PPRC1: variants seen among roughly 807,000 people sequenced by gnomAD.
PPRC1 encodes the protein PPARG related coactivator 1.
Under a neutral mutation model 132.5 loss-of-function variants are expected in PPRC1, and 23 were observed. The ratio of observed to expected loss-of-function variants is 0.17; its 90% CI spans 0.12 to 0.25. PPRC1 has a LOEUF of 0.25. PPRC1 is among the 10% of genes least tolerant of loss of function. The pLI is 1.00. For synonymous variants in PPRC1, 872 were observed against 833.5 expected (o/e 1.05, Z -0.80); for missense variants, 2,006 against 2,089.1 (o/e 0.96, Z 0.78).
chr10:102,129,091 G>A (rs2068504577), upstream of PPRC1, among the ~76,000 whole-genome samples: 1 of 149,842 alleles, frequency 6.7e-6, no homozygotes, highest in South Asian at 2.1e-4. Flanking sequence ...CACCACGCCC[G>A]GCTAATTTTT....
chr10:102,128,145 C>G (rs1268436501), upstream of PPRC1, among the ~76,000 whole-genome samples: 2 of 143,904 alleles, frequency 1.4e-5, no homozygotes, highest in Admixed American at 1.4e-4. Context: ...GCTGCTGCTG[C>G]TTTTTTTTTT....
In PPRC1 at chr10:102,147,106, C is replaced by G; in HGVS notation, c.4114C>G (p.Pro1372Ala). 2 of 1,614,190 alleles carry G rather than the reference C, an allele frequency of 1.2e-6. No homozygotes were observed. Among genetic ancestry groups the G allele is most frequent in the Non-Finnish European group, 1.7e-6 (2 of 1,180,036 alleles). The change falls in exon 9 of 14, where the codon CCA becomes GCA. Residue 1372 changes from proline (P) to alanine (A), a missense_variant. By Grantham distance (27) the Pro-to-Ala change is conservative (BLOSUM62 -1). Coordinates refer to ENST00000278070, the MANE Select transcript of PPRC1 (RefSeq NM_015062.5). ...QADPSAPCLA[P>A]SSLLSPEASP... ...AGATCCCTCAGCACCCTGCCTTGCC[C>G]CATCCAGCTTGCTGTCCCCTGAGGC...
rs17847382 is a variant in PPRC1, at chr10:102,139,079, G to C, written c.592-21G>C. 540 of 1,608,266 alleles carry C rather than the reference G, an allele frequency of 3.4e-4. 5 individuals are homozygous for C. In the East Asian group the frequency reaches 9.2e-3, roughly 27 times the overall value. Reference sequence around the variant, plus strand: ...CTTTCCCAAAGAAAACTCCTCCTGAGACCTCTCTTCTCTCCTGCAGGTTGA... The same window carrying C: ...CTTTCCCAAAGAAAACTCCTCCTGACACCTCTCTTCTCTCCTGCAGGTTGA... On this transcript the variant is annotated intron_variant, in intron 4 of 13. Transcript: ENST00000278070.
the PPRC1 span, among the ~76,000 whole-genome samples, chr10:102,123,833 CTTT>C: frequency 3.3e-3 from 226 of 68,272 alleles, no homozygotes; most frequent in African/African-American, 0.012. Context: ...CACGCCCGGC[CTTT>C]TTTTTTTTTT....
upstream of PPRC1, among the ~76,000 whole-genome samples, chr10:102,128,775 G>T (rs1009560978): frequency 6.7e-6 from 1 of 148,822 alleles, no homozygotes; most frequent in Non-Finnish European, 1.5e-5. Context: ...CCACCATGCC[G>T]GGCTAATTTT....
upstream of PPRC1, among the ~76,000 whole-genome samples, chr10:102,129,836 C>T (rs1007852891): frequency 2.6e-4 from 39 of 152,202 alleles, 1 homozygote; most frequent in African/African-American, 9.1e-4. Context: ...AATTCCTGAC[C>T]TCGGTGATCC....
At chr10:102,143,149 T>C (rs1421486363) in intron 6 of PPRC1, 51 bp downstream of exon 6, 4 of 1,554,044 alleles carry the variant, frequency 2.6e-6, no homozygotes, top group African/African-American at 2.7e-5. Context: ...GTGATACTTT[T>C]TTGGGCCCAG....
At chr10:102,124,216 C>A in the PPRC1 span, among the ~76,000 whole-genome samples, 1 of 152,100 alleles carries the variant, frequency 6.6e-6, no homozygotes, top group African/African-American at 2.4e-5. Flanking sequence ...CAGGCACCAC[C>A]ACCACACCTG....
intron 2 of PPRC1, 39 bp from the exon 3 acceptor site, chr10:102,138,580 G>A: frequency 6.2e-7 from 1 of 1,607,010 alleles, no homozygotes; most frequent in Non-Finnish European, 8.5e-7. Context: ...AGGTCATTAG[G>A]GATGTTGGTA....
rs544374156 is a variant in PPRC1 at position 102,138,181 on chromosome 10, GT to G, written c.342+144del. On this transcript the variant is annotated intron_variant, in intron 2 of 13. Transcript: ENST00000278070. ...CCTGAATCCTTGAAGTGTATTTTTT[GT>G]CTCTAAGTGGGAATTAGGCTGCAGG... 149 of 866,520 alleles carry G rather than the reference GT, an allele frequency of 1.7e-4. No homozygotes were observed. The East Asian group carries it at 3.6e-3, about 21-fold the overall frequency. The allele number at this position is 866,520 out of a possible 1,614,324, so 53.7% of individuals were successfully genotyped here. A position where few individuals can be genotyped will look rare whatever the true frequency, so the allele number is the denominator to read the frequency against.
rs2069280425 is a variant in PPRC1, at chr10:102,147,030, C to T, written c.4038C>T (p.Cys1346=). ...SLGPAAPPPP[C]IAASREPLDH... ...GCCCAGCTGCCCCTCCGCCCCCATG[C>T]ATAGCTGCCTCCCGGGAGCCGCTTG... The change falls in exon 9 of 14, where the codon TGC becomes TGT. Residue 1346 remains cysteine (C), a synonymous_variant. Coordinates refer to ENST00000278070, the MANE Select transcript of PPRC1 (RefSeq NM_015062.5). 6.2e-7 allele frequency: 1 copy of T among 1,614,172 alleles called. No homozygotes were observed. The highest frequency in any genetic ancestry group is 1.1e-5 in the South Asian group (1 of 91,076).
chr10:102,141,771 A>T lies in PPRC1; in HGVS notation c.3263A>T (p.Glu1088Val), dbSNP rs770774475. The T allele has an allele frequency of 1.9e-6, 3 of 1,613,754 alleles. No homozygotes were observed. Among genetic ancestry groups the T allele is most frequent in the Non-Finnish European group, 2.5e-6 (3 of 1,179,822 alleles). The stretch of plus-strand genomic sequence containing the variant: ...AAGGCTCTAGCATGTGTGTCTGCTG[A>T]AGGTGTGACTGTTGAGGAGCCTGCA... ...QMKALACVSAEGVTVEEPASE... is the reference protein window; with the variant it reads ...QMKALACVSAVGVTVEEPASE... The change falls in exon 5 of 14, where the codon GAA (glutamate) becomes GTA (valine). Residue 1088 changes from glutamate (E) to valine (V), a missense_variant. By Grantham distance (121) the Glu-to-Val change is moderately radical. Coordinates refer to ENST00000278070, the MANE Select transcript of PPRC1 (RefSeq NM_015062.5).
rs1017321136 is a variant in PPRC1, at chr10:102,150,145, T to A, written c.*116T>A. The A allele has an allele frequency of 1.5e-6, 1 of 686,860 alleles. No homozygotes were observed. The highest frequency in any genetic ancestry group is 2.5e-6 in the Non-Finnish European group (1 of 405,164). 42.5% of individuals were successfully genotyped at this position (686,860 alleles called of 1,614,324 possible). A position where few individuals can be genotyped will look rare whatever the true frequency, so the allele number is the denominator to read the frequency against. On this transcript the variant is annotated 3_prime_UTR_variant, in exon 14 of 14. Coordinates refer to ENST00000278070, the MANE Select transcript of PPRC1 (RefSeq NM_015062.5). ...GTGAGATGACTGTTTTATAAAGAAA[T>A]GGAAAAAAGTGAAATAAAAAATATG...
At chr10:102,128,992 C>G (rs529138544), upstream of PPRC1, among the ~76,000 whole-genome samples, 4 of 138,034 alleles carry the variant, frequency 2.9e-5, no homozygotes, top group South Asian at 2.4e-4. Context: ...TGCAGTGGCG[C>G]GATCTCGGCT....
At chr10:102,138,857 C>A (rs755059890) in intron 3 of PPRC1, 22 bp from the exon 4 acceptor site, 1 of 1,612,482 alleles carries the variant, frequency 6.2e-7, no homozygotes, top group Non-Finnish European at 8.5e-7. Flanking sequence ...AGACTGATCT[C>A]AGGTCTTTCT....
At chr10:102,133,893 T>TC (rs1564928248) in intron 1 of PPRC1, among the ~76,000 whole-genome samples, 2 of 151,624 alleles carry the variant, frequency 1.3e-5, no homozygotes, top group South Asian at 2.1e-4. Flanking sequence ...GTTTTTTTTT[T>TC]CCCTGCTGCT....
chr10:102,143,829 TG>T (rs1590347127), intron 6 of PPRC1, among the ~76,000 whole-genome samples: 1 of 152,192 alleles, frequency 6.6e-6, no homozygotes, highest in East Asian at 1.9e-4. Context: ...GTAGGTGCTA[TG>T]GAGGACACTA....
In PPRC1 at chr10:102,140,316, G is replaced by T; in HGVS notation, c.1808G>T (p.Gly603Val). The change falls in exon 5 of 14, where the codon GGC becomes GTC. Residue 603 changes from glycine to valine, a missense_variant. Around this residue, in one of 2 missense-constraint regions of PPRC1, gnomAD observed 1,914 missense variants for 1,917.2 expected, o/e 1.00. Coordinates refer to ENST00000278070, the MANE Select transcript of PPRC1 (RefSeq NM_015062.5). ...DPTAVGPVLA[G>V]PVPVDPGLVD... is the part of the protein sequence containing the mutation. ...ACTGCAGTTGGCCCTGTTCTAGCTG[G>T]CCCTGTACCTGTTGACCCTGGGTTG... is the stretch of plus-strand genomic sequence containing the variant. The T allele has an allele frequency of 6.2e-7, 1 of 1,614,176 alleles. No homozygotes were observed. The highest frequency in any genetic ancestry group is 2.2e-5 in the East Asian group (1 of 44,878).
At chr10:102,133,266 G>T in intron 1 of PPRC1, 45 bp downstream of exon 1, 4 of 1,243,748 alleles carry the variant, frequency 3.2e-6, no homozygotes, top group African/African-American at 1.5e-5. Context: ...AAAGCGGTGT[G>T]TGCCGGGCGG....
Sources: gnomAD v4.1 joint callset for allele counts (sites outside exome capture counted in the v4.1 genomes callset) on GRCh38, gnomAD v4.1.1 for gene constraint, gnomAD v4.1.1 regional missense constraint, MANE v1.5 for transcripts, NCBI Gene and HGNC (gene_info 2026-07-23, HGNC 2026-07-21) for gene names.